ALOX5: variants seen among roughly 807,000 people sequenced by gnomAD.
ALOX5 encodes polyunsaturated fatty acid 5-lipoxygenase.
ALOX5 carries 64 observed loss-of-function variants against 87.9 expected under a neutral mutation model. That is an observed-to-expected ratio of 0.73 (90% CI 0.60 to 0.90). The LOEUF (loss-of-function observed/expected upper bound fraction) is 0.90. Among genes scored for constraint, ALOX5 ranks in the 40% least tolerant of loss-of-function variants. ALOX5 has a pLI of 0.00. For synonymous variants in ALOX5, 388 were observed against 355.1 expected, an observed-to-expected ratio of 1.09 and a Z score of -1.04; for missense variants, 822 against 907.5, an observed-to-expected ratio of 0.91 and a Z score of 1.21.
At chr10:45,432,040 G>T (rs1416185012) in intron 7 of ALOX5, among the ~76,000 whole-genome samples, 2 of 151,222 alleles carry the variant, frequency 1.3e-5, no homozygotes, top group African/African-American at 2.4e-5. Flanking sequence ...GGGGTGTGGT[G>T]GTGGTGAAGA....
chr10:45,428,557 A>G lies in ALOX5; in HGVS notation c.835-61A>G, dbSNP rs185271520. The G allele has an allele frequency of 2.3e-4, 371 of 1,601,814 alleles. 4 individuals are homozygous for G. In the East Asian group the frequency reaches 8.2e-3, roughly 35 times the overall value. On this transcript the variant is annotated intron_variant, in intron 6 of 13. Transcript: ENST00000374391. The stretch of plus-strand genomic sequence containing the variant: ...GCCCAGAGGTCATCACTCTTTCCCC[A>G]GGCCTGATTTTTGGTCCGTCTGCTG...
intron 1 of ALOX5, among the ~76,000 whole-genome samples, chr10:45,380,490 G>T (rs377005207): frequency 2.6e-5 from 4 of 152,184 alleles, no homozygotes; most frequent in South Asian, 2.1e-4. Context: ...GCCCTCCAGG[G>T]GTCCTCCTGG....
At chr10:45,401,810 T>C (rs1359157400) in intron 3 of ALOX5, among the ~76,000 whole-genome samples, 1 of 152,200 alleles carries the variant, frequency 6.6e-6, no homozygotes, top group Non-Finnish European at 1.5e-5. Flanking sequence ...TTAGTATACA[T>C]TGACAAATTT....
chr10:45,413,164 C>A (rs994575029), intron 4 of ALOX5, among the ~76,000 whole-genome samples: 3 of 151,790 alleles, frequency 2.0e-5, no homozygotes, highest in African/African-American at 4.9e-5. Flanking sequence ...GACCAATATC[C>A]CTGATGAACA....
At chr10:45,419,378 G>A (rs1207339070) in intron 4 of ALOX5, among the ~76,000 whole-genome samples, 1 of 152,166 alleles carries the variant, frequency 6.6e-6, no homozygotes, top group South Asian at 2.1e-4. Flanking sequence ...GTTGGGTTGA[G>A]AGCGCTGCGC....
chr10:45,379,423 G>C (rs1416152239), intron 1 of ALOX5, among the ~76,000 whole-genome samples: 1 of 152,194 alleles, frequency 6.6e-6, no homozygotes, highest in Non-Finnish European at 1.5e-5. Context: ...CCAGCATTCA[G>C]AATGCCTCCC....
rs1156421599 is a variant in ALOX5, at chr10:45,445,697, C to T, written c.*10C>T. 1 of 1,599,858 alleles carries T rather than the reference C, an allele frequency of 6.3e-7. No individual in the cohort carries two copies. The highest frequency in any genetic ancestry group is 8.6e-7 in the Non-Finnish European group (1 of 1,168,700). ...CAGTGTGGCCATCTGAGCACACTGC[C>T]AGTCTCACTGTGGGAAGGCCAGCTG... is the stretch of plus-strand genomic sequence containing the variant. On this transcript the variant is annotated 3_prime_UTR_variant, in exon 14 of 14. Transcript: ENST00000374391.
At chr10:45,442,943 G>GGCCTCCTC in intron 9 of ALOX5, 95 bp from the exon 10 acceptor site, 1 of 1,347,666 alleles carries the variant, frequency 7.4e-7, no homozygotes, top group Non-Finnish European at 1.0e-6. Flanking sequence ...CTGCCTGCCT[G>GGCCTCCTC]GCCTCCTCGC....
chr10:45,441,146 T>C (rs751819476), intron 8 of ALOX5, among the ~76,000 whole-genome samples, 198 bp from the exon 9 acceptor site: 2 of 152,138 alleles, frequency 1.3e-5, no homozygotes, highest in Non-Finnish European at 2.9e-5. Context: ...CTCTGAATCA[T>C]TATCATGCTT....
At chr10:45,442,044 G>A (rs965939925) in intron 9 of ALOX5, among the ~76,000 whole-genome samples, 6 of 152,150 alleles carry the variant, frequency 3.9e-5, no homozygotes, top group Admixed American at 2.0e-4. Flanking sequence ...GACACTGTTT[G>A]GGCTGCAAAT....
intron 7 of ALOX5, among the ~76,000 whole-genome samples, chr10:45,439,035 T>TA (rs1363524473): frequency 6.6e-6 from 1 of 152,230 alleles, no homozygotes; most frequent in Non-Finnish European, 1.5e-5. Flanking sequence ...ACCTGATTTT[T>TA]AAGACTTAGA....
At chr10:45,419,243 G>A (rs1307303736) in intron 4 of ALOX5, among the ~76,000 whole-genome samples, 1 of 152,254 alleles carries the variant, frequency 6.6e-6, no homozygotes, top group South Asian at 2.1e-4. Flanking sequence ...GGCCGGGCGA[G>A]CGCAGGCGGG....
At chr10:45,388,546 C>T (rs745618456) in intron 2 of ALOX5, among the ~76,000 whole-genome samples, 2 of 152,272 alleles carry the variant, frequency 1.3e-5, no homozygotes, top group Non-Finnish European at 2.9e-5. Context: ...ATTCGCTGTT[C>T]TGCAGCCTCT....
At chr10:45,416,938 AGATGGATG>A (rs566719964) in intron 4 of ALOX5, among the ~76,000 whole-genome samples, 9 of 151,662 alleles carry the variant, frequency 5.9e-5, no homozygotes, top group Non-Finnish European at 1.2e-4. Context: ...ATGGATGGAT[AGATGGATG>A]GATGGATGGA....
intron 4 of ALOX5, among the ~76,000 whole-genome samples, chr10:45,413,308 A>C (rs1166830022): frequency 3.3e-5 from 5 of 152,346 alleles, no homozygotes; most frequent in East Asian, 1.9e-4. Context: ...CAATAAATGT[A>C]ATCTAGCATA....
intron 7 of ALOX5, among the ~76,000 whole-genome samples, chr10:45,433,549 G>A (rs1475339304): frequency 1.3e-5 from 2 of 152,216 alleles, no homozygotes; most frequent in Admixed American, 6.5e-5. Context: ...ATGGCTTGCA[G>A]GTAAGGGTTT....
intron 4 of ALOX5, among the ~76,000 whole-genome samples, chr10:45,419,111 C>G (rs1019614019): frequency 2.6e-5 from 4 of 152,208 alleles, no homozygotes. Context: ...CCGCAGTGTA[C>G]GTAGAGGCGC....
intron 4 of ALOX5, among the ~76,000 whole-genome samples, chr10:45,423,342 G>C (rs1293636551): frequency 2.0e-5 from 3 of 152,184 alleles, no homozygotes; most frequent in Non-Finnish European, 4.4e-5. Context: ...AGTGTGTCAT[G>C]GTGAACACTG....
intron 3 of ALOX5, among the ~76,000 whole-genome samples, chr10:45,399,055 C>T (rs953186412): frequency 4.6e-5 from 7 of 152,114 alleles, no homozygotes; most frequent in African/African-American, 1.7e-4. Context: ...TGTACACAAC[C>T]CAAACGTCCA....
Sources: allele counts gnomAD v4.1 joint callset (sites outside exome capture counted in the v4.1 genomes callset), GRCh38; gene constraint gnomAD v4.1.1; transcripts MANE v1.5; gene names NCBI Gene and HGNC (gene_info 2026-07-23, HGNC 2026-07-21).